AGK: variants seen among roughly 807,000 people sequenced by gnomAD.
AGK encodes acylglycerol kinase, mitochondrial.
AGK carries 52 observed loss-of-function variants against 66.4 expected under a neutral mutation model. That is an observed-to-expected ratio of 0.78 (90% CI 0.63 to 0.99). AGK has a LOEUF of 0.99. Among genes scored for constraint, AGK ranks in the 50% least tolerant of loss-of-function variants. The probability of loss-of-function intolerance (pLI) is 0.00; values close to 1 mark genes in which losing one functional copy is unlikely to be tolerated. For synonymous variants in AGK, 182 were observed against 181.1 expected (o/e 1.00, Z -0.04); for missense variants, 451 against 506.6 (o/e 0.89, Z 1.05).
Position 141,649,326 on chromosome 7 carries a change from A to T in AGK, c.1039A>T (p.Thr347Ser), listed in dbSNP as rs1424710935. ...CACCATCAGCAAAGGAGACTTTATA[A>T]CTATAGGGTAAGTGGACTGGGGTTC... Reference protein sequence around the residue: ...PDTISKGDFITIGSRKVRNPK... With the variant: ...PDTISKGDFISIGSRKVRNPK... The change falls in exon 14 of 16, where the codon ACT becomes TCT. Residue 347 changes from threonine (T) to serine (S), a missense_variant. By Grantham distance (58) the Thr-to-Ser change is moderately conservative. Coordinates refer to ENST00000649286, the MANE Select transcript of AGK (RefSeq NM_018238.4). 6.2e-7 allele frequency: 1 copy of T among 1,610,938 alleles called. No homozygotes were observed. The highest frequency in any genetic ancestry group is 1.1e-5 in the South Asian group (1 of 90,910).
rs543715831 is a variant in AGK, at chr7:141,558,165, C to CT, written c.101+2608dup. 2.5e-3 allele frequency among the ~76,000 whole-genome samples: 365 copies of CT among 148,170 alleles called. 3 individuals carry two copies. The highest frequency in any genetic ancestry group is 3.5e-3 in the Non-Finnish European group (236 of 66,776). On this transcript the variant is annotated intron_variant, in intron 2 of 15. Coordinates refer to ENST00000649286, the MANE Select transcript of AGK (RefSeq NM_018238.4). ...AATGTTTATATTATCTTTACCTTTT[C>CT]TTTTTTTTTTGAGACGGAGTCCTGC...
At chr7:141,602,469 A>G (rs1796369000) in intron 5 of AGK, among the ~76,000 whole-genome samples, 1 of 152,156 alleles carries the variant, frequency 6.6e-6, no homozygotes, top group South Asian at 2.1e-4. Context: ...TTTTCAAATT[A>G]ATTGACATCA....
intron 2 of AGK, among the ~76,000 whole-genome samples, chr7:141,583,203 G>A (rs1433433339): frequency 6.6e-6 from 1 of 151,844 alleles, no homozygotes; most frequent in Non-Finnish European, 1.5e-5. Context: ...AGAAAATAAG[G>A]CATTTAGGTT....
At position 141,558,272 on chromosome 7, in the gene AGK, C is replaced by T. The variant is rs1312023989; in HGVS notation, c.101+2705C>T. Among the ~76,000 whole-genome samples, 4 of 151,826 alleles carry T rather than the reference C, an allele frequency of 2.6e-5. No homozygotes were observed. In the South Asian group the frequency reaches 8.3e-4, roughly 32 times the overall value. ...TCCGAGGTTCAAGTGATTCTCTTGC[C>T]TCAGCCTCCCAAGCAGCTGGGACTA... On this transcript the variant is annotated intron_variant, in intron 2 of 15. Transcript: ENST00000649286.
In AGK at chr7:141,596,921, C is replaced by T. The variant is rs115398078; in HGVS notation, c.221+280C>T. The T allele has an allele frequency of 1.7e-3, 613 of 366,852 alleles. 2 individuals are homozygous for T. The highest frequency in any genetic ancestry group is 0.012 in the African/African-American group (566 of 48,004). The allele number at this position is 366,852 out of a possible 1,614,324, so 22.7% of individuals were successfully genotyped here. A position where few individuals can be genotyped will look rare whatever the true frequency, so the allele number is the denominator to read the frequency against. Reference sequence around the variant, plus strand: ...TGCTTGGAAGTAGTCCCCTCGGGAGCGACTGCTGTACTGCTAGGACGTAAA... The same window carrying T: ...TGCTTGGAAGTAGTCCCCTCGGGAGTGACTGCTGTACTGCTAGGACGTAAA... On this transcript the variant is annotated intron_variant, in intron 4 of 15. Transcript: ENST00000649286.
rs772655256 is a variant in AGK, at chr7:141,615,454, CTT to C, written c.424-16_424-15del. On this transcript the variant is annotated splice_polypyrimidine_tract_variant and intron_variant, in intron 7 of 15. Transcript: ENST00000649286. ...CTGATCATAACAATAAAACTTTCCT[CTT>C]CTTTCCCCCCCCAGGCTACCTTCAG... is the stretch of plus-strand genomic sequence containing the variant. 4 of 1,607,600 alleles carry C rather than the reference CTT, an allele frequency of 2.5e-6. No individual in the cohort carries two copies. The highest frequency in any genetic ancestry group is 3.4e-6 in the Non-Finnish European group (4 of 1,174,568).
intron 2 of AGK, among the ~76,000 whole-genome samples, chr7:141,556,717 T>C (rs2116847171): frequency 6.6e-6 from 1 of 152,290 alleles, no homozygotes; most frequent in South Asian, 2.1e-4. Flanking sequence ...CATTTCTTAC[T>C]ATAGTCTCTT....
In AGK at chr7:141,655,208, T is replaced by G. The variant is rs1000662526; in HGVS notation, c.*2284T>G. The G allele has an allele frequency of 8.5e-5, 13 of 152,266 alleles. No individual in the cohort carries two copies. The highest frequency in any genetic ancestry group is 8.5e-4 in the Admixed American group (13 of 15,288). 9.4% of individuals were successfully genotyped at this position (152,266 alleles called of 1,614,324 possible). A position where few individuals can be genotyped will look rare whatever the true frequency, so the allele number is the denominator to read the frequency against. On this transcript the variant is annotated 3_prime_UTR_variant, in exon 16 of 16. Coordinates refer to ENST00000649286, the MANE Select transcript of AGK (RefSeq NM_018238.4). The stretch of plus-strand genomic sequence containing the variant: ...AGGATATGGAAGCCACTTTAGAATC[T>G]TATTCATTTTTAAATATAAATATGC...
intron 2 of AGK, among the ~76,000 whole-genome samples, chr7:141,573,734 G>A (rs1213177407): frequency 1.3e-5 from 2 of 152,170 alleles, no homozygotes; most frequent in East Asian, 3.9e-4. Context: ...AACTTGTGAG[G>A]CAGAGGGACG....
At chr7:141,650,068 T>C (rs529445760) in intron 14 of AGK, among the ~76,000 whole-genome samples, 1 of 152,340 alleles carries the variant, frequency 6.6e-6, no homozygotes, top group African/African-American at 2.4e-5. Context: ...CAGCTCCGCT[T>C]TTCTGTGCTT....
intron 2 of AGK, among the ~76,000 whole-genome samples, chr7:141,583,593 A>G (rs899978420): frequency 6.6e-6 from 1 of 151,874 alleles, no homozygotes; most frequent in Non-Finnish European, 1.5e-5. Context: ...GGTTGCCACT[A>G]AGGGTGAAGG....
intron 2 of AGK, among the ~76,000 whole-genome samples, chr7:141,565,633 G>A (rs564490888): frequency 4.7e-5 from 7 of 149,668 alleles, no homozygotes; most frequent in Admixed American, 1.3e-4. Context: ...GAGAGACTTC[G>A]TCTCAAAAAA....
At chr7:141,629,032 C>T (rs1797001021) in intron 9 of AGK, among the ~76,000 whole-genome samples, 1 of 152,148 alleles carries the variant, frequency 6.6e-6, no homozygotes, top group South Asian at 2.1e-4. Flanking sequence ...TTCCCTTTTC[C>T]CTATTTGCCA....
chr7:141,636,000 A>G (rs1241533334), intron 10 of AGK, among the ~76,000 whole-genome samples: 1 of 152,188 alleles, frequency 6.6e-6, no homozygotes, highest in Non-Finnish European at 1.5e-5. Context: ...GTTAATGTTG[A>G]GTGATTTGTT....
chr7:141,572,684 G>A (rs1356948032), intron 2 of AGK, among the ~76,000 whole-genome samples: 1 of 152,098 alleles, frequency 6.6e-6, no homozygotes, highest in African/African-American at 2.4e-5. Context: ...TGATTTTTTG[G>A]CTTCAAGACT....
intron 14 of AGK, chr7:141,650,738 T>C: frequency 4.3e-6 from 4 of 934,880 alleles, no homozygotes; most frequent in Non-Finnish European, 5.1e-6. Context: ...GTAGACCGCG[T>C]TATAAATACA....
In AGK at chr7:141,593,324, G is replaced by A. The variant is rs559298075; in HGVS notation, c.141+139G>A. On this transcript the variant is annotated intron_variant, in intron 3 of 15. Coordinates refer to ENST00000649286, the MANE Select transcript of AGK (RefSeq NM_018238.4). ...TTTTAGCACTATCAGGATGAATCAC[G>A]CTGGGAGCCAACTCTGAGTAGAACT... 2.2e-5 allele frequency: 17 copies of A among 784,668 alleles called. No homozygotes were observed. The African/African-American group carries it at 2.2e-4, about 10-fold the overall frequency. The allele number at this position is 784,668 out of a possible 1,614,324, so 48.6% of individuals were successfully genotyped here.
At chr7:141,645,677 G>C (rs1797395231) in intron 13 of AGK, among the ~76,000 whole-genome samples, 1 of 151,970 alleles carries the variant, frequency 6.6e-6, no homozygotes. Context: ...TTTTTTTATA[G>C]ACACCCTTTA....
chr7:141,622,367 T>C (rs1796845815), intron 9 of AGK, among the ~76,000 whole-genome samples: 1 of 152,232 alleles, frequency 6.6e-6, no homozygotes, highest in Admixed American at 6.5e-5. Flanking sequence ...ACAGATATTG[T>C]GCTTTTTACA....
Sources: gnomAD v4.1 joint callset for allele counts (sites outside exome capture counted in the v4.1 genomes callset) on GRCh38, gnomAD v4.1.1 for gene constraint, MANE v1.5 for transcripts, NCBI Gene and HGNC (gene_info 2026-07-23, HGNC 2026-07-21) for gene names.